The following HCN1 variants were observed in gnomAD, a reference collection of about 807,000 sequenced individuals.
HCN1 encodes potassium/sodium hyperpolarization-activated cyclic nucleotide-gated channel 1.
A neutral mutation model predicts 78.9 loss-of-function variants in HCN1; 13 were observed. That is an observed-to-expected ratio of 0.16 (90% CI 0.11 to 0.26). HCN1 has a LOEUF of 0.26. HCN1 is among the 10% of genes least tolerant of loss of function. HCN1 has a pLI of 1.00. For missense variants in HCN1, 810 were observed against 1,154.3 expected, an observed-to-expected ratio of 0.70 and a Z score of 4.32; for synonymous variants, 552 against 455.5, an observed-to-expected ratio of 1.21 and a Z score of -2.70.
intron 2 of HCN1, among the ~76,000 whole-genome samples, chr5:45,578,293 T>C (rs1372251589): frequency 2.0e-5 from 3 of 151,972 alleles, no homozygotes; most frequent in Non-Finnish European, 2.9e-5. Context: ...GCTGGAAACA[T>C]ATTCCAAGCA....
intron 3 of HCN1, among the ~76,000 whole-genome samples, chr5:45,431,064 T>C (rs1434663318): frequency 6.6e-6 from 1 of 152,208 alleles, no homozygotes; most frequent in Non-Finnish European, 1.5e-5. Context: ...AGCAGCAGTG[T>C]ATAAGCATTC....
At chr5:45,351,853 C>G (rs1313687202) in intron 5 of HCN1, among the ~76,000 whole-genome samples, 1 of 151,714 alleles carries the variant, frequency 6.6e-6, no homozygotes, top group Non-Finnish European at 1.5e-5. Context: ...GTTAGAATGG[C>G]GATCATTAAA....
In HCN1 at chr5:45,522,795, C is replaced by G. The variant is rs374094899; in HGVS notation, c.850-60788G>C. ...CTTGTTTTCCTAAATAGTTGAAACACGCTCATGTCATTTATTTACATATTG... is the reference window on the plus strand; with the variant it reads ...CTTGTTTTCCTAAATAGTTGAAACAGGCTCATGTCATTTATTTACATATTG... On this transcript the variant is annotated intron_variant, in intron 2 of 7. Coordinates refer to ENST00000303230, the MANE Select transcript of HCN1 (RefSeq NM_021072.4). Among the ~76,000 whole-genome samples the G allele has an allele frequency of 5.9e-5, 9 of 151,852 alleles. No individual in the cohort carries two copies. The East Asian group carries it at 9.7e-4, about 16-fold the overall frequency.
chr5:45,387,291 C>G (rs1747943736), intron 4 of HCN1, among the ~76,000 whole-genome samples: 1 of 151,892 alleles, frequency 6.6e-6, no homozygotes, highest in South Asian at 2.1e-4. Context: ...ATCTTACTCT[C>G]ATATTATTGT....
At chr5:45,641,349 A>G (rs532935139) in intron 2 of HCN1, among the ~76,000 whole-genome samples, 1 of 152,290 alleles carries the variant, frequency 6.6e-6, no homozygotes, top group South Asian at 2.1e-4. Context: ...CATAATTTGT[A>G]TATTAAACTA....
chr5:45,332,186 AT>A (rs568156994), intron 5 of HCN1, among the ~76,000 whole-genome samples: 1 of 151,342 alleles, frequency 6.6e-6, no homozygotes, highest in Non-Finnish European at 1.5e-5. Context: ...TTTTCTTAAA[AT>A]TTTTTTGTGG....
chr5:45,387,192 C>T (rs1162926675), intron 4 of HCN1, among the ~76,000 whole-genome samples: 2 of 151,886 alleles, frequency 1.3e-5, no homozygotes, highest in Non-Finnish European at 2.9e-5. Flanking sequence ...TTTAAGTTCA[C>T]AGTATCAATA....
At chr5:45,693,564 A>T (rs1739953673) in intron 1 of HCN1, among the ~76,000 whole-genome samples, 1 of 152,088 alleles carries the variant, frequency 6.6e-6, no homozygotes, top group Non-Finnish European at 1.5e-5. Context: ...TTAAATCATC[A>T]CCTGATTTCA....
chr5:45,315,954 G>C (rs1040937843), intron 5 of HCN1, among the ~76,000 whole-genome samples: 2 of 152,154 alleles, frequency 1.3e-5, no homozygotes, highest in Non-Finnish European at 2.9e-5. Context: ...TACAGGACCA[G>C]ATGGATTCCA....
chr5:45,686,635 A>G (rs757472037), intron 1 of HCN1, among the ~76,000 whole-genome samples: 64 of 152,288 alleles, frequency 4.2e-4, no homozygotes, highest in Non-Finnish European at 7.6e-4. Context: ...ATCATTCTGG[A>G]GTTAATAAAG....
At chr5:45,659,127 C>A (rs895782970) in intron 1 of HCN1, among the ~76,000 whole-genome samples, 37 of 151,818 alleles carry the variant, frequency 2.4e-4, no homozygotes, top group Non-Finnish European at 4.6e-4. Flanking sequence ...AGACTGCCTC[C>A]TCAAGTGGGT....
At chr5:45,425,192 A>G (rs1740320552) in intron 3 of HCN1, among the ~76,000 whole-genome samples, 2 of 152,224 alleles carry the variant, frequency 1.3e-5, no homozygotes, top group South Asian at 4.1e-4. Flanking sequence ...AGTTAACTGC[A>G]GTGGTATATG....
At chr5:45,607,634 G>C (rs934759200) in intron 2 of HCN1, among the ~76,000 whole-genome samples, 2 of 150,026 alleles carry the variant, frequency 1.3e-5, no homozygotes, top group African/African-American at 4.9e-5. Flanking sequence ...TATATCTAGA[G>C]AGAGAGAGTC....
intron 2 of HCN1, among the ~76,000 whole-genome samples, chr5:45,498,313 C>T (rs909448701): frequency 6.6e-6 from 1 of 152,164 alleles, no homozygotes; most frequent in Admixed American, 6.5e-5. Flanking sequence ...CTAAACTTCA[C>T]TTCTCGCTTC....
chr5:45,530,915 T>C (rs1742830282), intron 2 of HCN1, among the ~76,000 whole-genome samples: 1 of 152,102 alleles, frequency 6.6e-6, no homozygotes, highest in Non-Finnish European at 1.5e-5. Flanking sequence ...TGGATATAGC[T>C]GGGAAAAGAA....
At chr5:45,493,953 G>C (rs1043649474) in intron 2 of HCN1, among the ~76,000 whole-genome samples, 4 of 152,124 alleles carry the variant, frequency 2.6e-5, no homozygotes, top group African/African-American at 9.7e-5. Context: ...TGGCTGCGTA[G>C]TATTCCATGG....
chr5:45,543,271 G>A (rs998603039), intron 2 of HCN1, among the ~76,000 whole-genome samples: 3 of 151,600 alleles, frequency 2.0e-5, no homozygotes, highest in Non-Finnish European at 4.4e-5. Context: ...TCAGAATTAG[G>A]AAAATTAATT....
At chr5:45,461,511 G>A (rs186819161) in intron 3 of HCN1, among the ~76,000 whole-genome samples, 22 of 152,146 alleles carry the variant, frequency 1.4e-4, no homozygotes, top group African/African-American at 5.1e-4. Flanking sequence ...GAAATAAGGC[G>A]TTATTCTAAG....
chr5:45,601,609 T>A (rs1398926793), intron 2 of HCN1, among the ~76,000 whole-genome samples: 1 of 152,170 alleles, frequency 6.6e-6, no homozygotes, highest in African/African-American at 2.4e-5. Context: ...CACGGACTTT[T>A]TGATATTTGT....
Sources: gnomAD v4.1 joint callset for allele counts (sites outside exome capture counted in the v4.1 genomes callset) on GRCh38, gnomAD v4.1.1 for gene constraint, MANE v1.5 for transcripts, NCBI Gene and HGNC (gene_info 2026-07-23, HGNC 2026-07-21) for gene names.